Variants in CLRN2 observed in about 807,000 individuals in gnomAD.
CLRN2 encodes clarin 2.
A neutral mutation model predicts 20.1 loss-of-function variants in CLRN2; 17 were observed. The ratio of observed to expected loss-of-function variants is 0.85; its 90% CI spans 0.58 to 1.27. CLRN2 has a LOEUF of 1.27. CLRN2 is among the 50% of genes most tolerant of loss of function. The pLI, the probability that CLRN2 is intolerant of heterozygous loss-of-function variation, is 0.00. For missense variants in CLRN2, 288 were observed against 299.5 expected (o/e 0.96, Z 0.28); for synonymous variants, 140 against 126.9 (o/e 1.10, Z -0.70).
chr4:17,522,843 G>A (rs1422024870), intron 1 of CLRN2, 21 bp from the exon 2 acceptor site: 3 of 1,607,350 alleles, frequency 1.9e-6, no homozygotes, highest in Non-Finnish European at 8.5e-7. Context: ...TTGAAATAGT[G>A]GCTGTGTCTT....
intron 1 of CLRN2, among the ~76,000 whole-genome samples, chr4:17,518,485 G>A (rs1295121251): frequency 6.6e-6 from 1 of 152,222 alleles, no homozygotes; most frequent in Non-Finnish European, 1.5e-5. Flanking sequence ...ATCTGGCCGG[G>A]TACAGTGGCT....
chr4:17,518,203 A>G (rs940678790), intron 1 of CLRN2, among the ~76,000 whole-genome samples: 47 of 152,202 alleles, frequency 3.1e-4, no homozygotes, highest in African/African-American at 1.1e-3. Flanking sequence ...GGCCTCCCCA[A>G]AAAATCACCC....
intron 2 of CLRN2, 21 bp downstream of exon 2, chr4:17,523,064 A>T: frequency 6.3e-7 from 1 of 1,589,506 alleles, no homozygotes; most frequent in South Asian, 1.1e-5. Context: ...CCTTAGGGAG[A>T]GAAAATTATG....
chr4:17,524,972 G>A (rs1314400262), intron 2 of CLRN2, among the ~76,000 whole-genome samples: 3 of 152,042 alleles, frequency 2.0e-5, no homozygotes, highest in African/African-American at 7.2e-5. Flanking sequence ...AACAGGCAAA[G>A]CTTTATGTCT....
chr4:17,516,294 G>A (rs1299787903), intron 1 of CLRN2, among the ~76,000 whole-genome samples: 2 of 152,162 alleles, frequency 1.3e-5, no homozygotes, highest in Non-Finnish European at 2.9e-5. Context: ...GCACAAACAG[G>A]AATCCAAGCT....
chr4:17,517,348 G>A (rs1711703695), intron 1 of CLRN2, among the ~76,000 whole-genome samples: 1 of 152,158 alleles, frequency 6.6e-6, no homozygotes, highest in South Asian at 2.1e-4. Flanking sequence ...AGGGAGAGGG[G>A]AGGCCAGAGA....
At chr4:17,522,210 C>A (rs79327764) in intron 1 of CLRN2, among the ~76,000 whole-genome samples, 5,098 of 152,256 alleles carry the variant, frequency 0.033, 278 homozygotes, top group African/African-American at 0.12. Flanking sequence ...ATCCTCAATT[C>A]ATATGCAGGG....
chr4:17,515,270 C>T lies in CLRN2; in HGVS notation c.4C>T (p.Pro2Ser). The change falls in exon 1 of 3, where the codon CCT becomes TCT. Residue 2 changes from proline to serine, a missense_variant. By Grantham distance (74) the Pro-to-Ser change is moderately conservative. Transcript: ENST00000511148. ...GGGATGACCTGCACCCACTAGCATG[C>T]CTGGATGGTTCAAAAAGGCGTGGTA... The part of the protein sequence containing the change: M[P>S]GWFKKAWYGL... 6.2e-7 allele frequency: 1 copy of T among 1,613,660 alleles called. No homozygotes were observed. The highest frequency in any genetic ancestry group is 1.7e-5 in the Admixed American group (1 of 60,016).
Position 17,515,431 on chromosome 4 carries a change from C to A in CLRN2, c.165C>A (p.Val55=), listed in dbSNP as rs1167803525. The A allele has an allele frequency of 1.9e-6, 3 of 1,613,810 alleles. No individual in the cohort carries two copies. Among genetic ancestry groups the A allele is most frequent in the Non-Finnish European group, 2.5e-6 (3 of 1,179,890 alleles). ...DLVNATDREL[V]KFIGDIYYGL... The stretch of plus-strand genomic sequence containing the variant: ...TCAACGCCACAGACAGAGAGCTGGT[C>A]AAGTTCATTGGGGACATTTACTACG... Residue 55 remains valine, a synonymous_variant, in exon 1 of 3, where the codon GTC becomes GTA. Coordinates refer to ENST00000511148, the MANE Select transcript of CLRN2 (RefSeq NM_001079827.2).
chr4:17,526,930 G>A lies in CLRN2; in HGVS notation c.547G>A (p.Glu183Lys), dbSNP rs1177776427. The change falls in exon 3 of 3, where the codon GAA (glutamate) becomes AAA (lysine). Residue 183 changes from glutamate to lysine, a missense_variant. Transcript: ENST00000511148. The stretch of plus-strand genomic sequence containing the variant: ...GCTCTTCCAGTTTGTGGTGGTGGAA[G>A]AACAGTATGAAGAGTCGTTTTGGAT... ...EKLFQFVVVE[E>K]QYEESFWICV... is the part of the protein sequence containing the mutation. 7.4e-6 allele frequency: 12 copies of A among 1,613,928 alleles called. No individual in the cohort carries two copies. The highest frequency in any genetic ancestry group is 1.3e-5 in the African/African-American group (1 of 74,940).
At chr4:17,520,008 T>C (rs1417125429) in intron 1 of CLRN2, among the ~76,000 whole-genome samples, 1 of 152,156 alleles carries the variant, frequency 6.6e-6, no homozygotes, top group African/African-American at 2.4e-5. Flanking sequence ...TGCCCCAGCC[T>C]CGAATTTCTA....
chr4:17,527,095 G>T lies in CLRN2; in HGVS notation c.*13G>T. 2 of 1,612,396 alleles carry T rather than the reference G, an allele frequency of 1.2e-6. No individual in the cohort carries two copies. The highest frequency in any genetic ancestry group is 8.5e-7 in the Non-Finnish European group (1 of 1,179,142). ...TATCTTGTATTAATAGCCTTCCCCTGTTCACAACCTGTCCTAAGTCAGTTC... is the reference window on the plus strand; with the variant it reads ...TATCTTGTATTAATAGCCTTCCCCTTTTCACAACCTGTCCTAAGTCAGTTC... On this transcript the variant is annotated 3_prime_UTR_variant, in exon 3 of 3. Coordinates refer to ENST00000511148, the MANE Select transcript of CLRN2 (RefSeq NM_001079827.2).
intron 1 of CLRN2, among the ~76,000 whole-genome samples, chr4:17,521,473 CAGA>C (rs756968515): frequency 1.5e-4 from 23 of 152,314 alleles, no homozygotes; most frequent in South Asian, 1.2e-3. Flanking sequence ...TGAGTATGCT[CAGA>C]AGTTCTGTAG....
At chr4:17,519,958 A>C (rs781403475) in intron 1 of CLRN2, among the ~76,000 whole-genome samples, 38 of 152,040 alleles carry the variant, frequency 2.5e-4, no homozygotes, top group Non-Finnish European at 5.1e-4. Flanking sequence ...ATCCCCCCAT[A>C]ATGGCTCCCA....
At chr4:17,521,864 T>C (rs1711843926) in intron 1 of CLRN2, among the ~76,000 whole-genome samples, 1 of 152,060 alleles carries the variant, frequency 6.6e-6, no homozygotes, top group African/African-American at 2.4e-5. Context: ...ATCTCAAAGA[T>C]AAAAAGGTGT....
Position 17,522,898 on chromosome 4 carries a change from C to T in CLRN2, c.288C>T (p.Gly96=), listed in dbSNP as rs1403908073. ...ACCTGGTGAAGGAGCTCAACGCAGG[C>T]CTTCATGTGATGATTCTGCTGCTCC... is the stretch of plus-strand genomic sequence containing the variant. ...FPHLVKELNA[G]LHVMILLLLF... is the part of the protein sequence containing the mutation. The change falls in exon 2 of 3, where the codon GGC becomes GGT. Residue 96 remains glycine, a synonymous_variant. Transcript: ENST00000511148. The T allele has an allele frequency of 1.9e-6, 3 of 1,613,984 alleles. No homozygotes were observed. Among genetic ancestry groups the T allele is most frequent in the Non-Finnish European group, 1.7e-6 (2 of 1,179,888 alleles).
intron 2 of CLRN2, 38 bp downstream of exon 2, chr4:17,523,081 C>T (rs765579105): frequency 6.4e-7 from 1 of 1,552,632 alleles, no homozygotes. Flanking sequence ...TATGTCCACA[C>T]CATCATAGGG....
chr4:17,526,156 C>T (rs1453313279), intron 2 of CLRN2, among the ~76,000 whole-genome samples: 1 of 152,218 alleles, frequency 6.6e-6, no homozygotes, highest in African/African-American at 2.4e-5. Flanking sequence ...GTTTTTCTTA[C>T]ATCTTGCCAC....
At chr4:17,525,796 A>AT (rs1711959715) in intron 2 of CLRN2, among the ~76,000 whole-genome samples, 1 of 152,244 alleles carries the variant, frequency 6.6e-6, no homozygotes, top group Admixed American at 6.5e-5. Context: ...AGAAAGAAAC[A>AT]TAAAGAAAAA....
Sources: gnomAD v4.1 joint callset for allele counts (sites outside exome capture counted in the v4.1 genomes callset) on GRCh38, gnomAD v4.1.1 for gene constraint, MANE v1.5 for transcripts, NCBI Gene and HGNC (gene_info 2026-07-23, HGNC 2026-07-21) for gene names.